Variants in MUC3A observed in about 807,000 individuals in gnomAD.
MUC3A encodes mucin 3A, cell surface associated.
In MUC3A, 109 loss-of-function variants were observed where a neutral mutation model predicts 109.0. The ratio of observed to expected loss-of-function variants is 1.00; its 90% CI spans 0.86 to 1.17. The LOEUF (loss-of-function observed/expected upper bound fraction) is 1.17. Ranked by LOEUF, MUC3A falls within the 50% of genes most tolerant of loss-of-function variation. The pLI is 0.00. For synonymous variants in MUC3A, 1,398 were observed against 981.4 expected, an observed-to-expected ratio of 1.42 and a Z score of -7.93; for missense variants, 3,537 against 2,469.4, an observed-to-expected ratio of 1.43 and a Z score of -9.16.
rs769638209 is a variant in MUC3A at position 100,960,478 on chromosome 7, C to T, written c.8699C>T (p.Pro2900Leu). The part of the protein sequence containing the change: ...PLTMKPSSSL[P>L]TILRTSSKST... ...ACCATGAAACCAAGCAGTAGCCTCC[C>T]GACCATCCTGAGGACTTCAAGCAAG... is the stretch of plus-strand genomic sequence containing the variant. The change falls in exon 2 of 12, where the codon CCG (proline) becomes CTG (leucine). Residue 2900 changes from proline to leucine, a missense_variant. By Grantham distance (98) the Pro-to-Leu change is moderately conservative (BLOSUM62 -3). Transcript: ENST00000379458. The T allele has an allele frequency of 2.9e-5, 46 of 1,598,646 alleles. No homozygotes were observed. The highest frequency in any genetic ancestry group is 1.9e-4 in the African/African-American group (14 of 75,078).
rs1339632130 is a variant in MUC3A at position 100,959,665 on chromosome 7, T to C, written c.7886T>C (p.Val2629Ala). 6.3e-7 allele frequency: 1 copy of C among 1,598,514 alleles called. No homozygotes were observed. The highest frequency in any genetic ancestry group is 8.5e-7 in the Non-Finnish European group (1 of 1,179,782). ...AGCACGATCGTGTCAACATCACAGG[T>C]TCCTATTCCTAGCACACATTCCTCC... ...ALSTIVSTSQVPIPSTHSSTL... is the reference protein window; with the variant it reads ...ALSTIVSTSQAPIPSTHSSTL... Residue 2629 changes from valine to alanine, a missense_variant, in exon 2 of 12, where the codon GTT becomes GCT. Coordinates refer to ENST00000379458, the MANE Select transcript of MUC3A (RefSeq NM_005960.2).
rs1250056348 is a variant in MUC3A, at chr7:100,951,935, C to G, written c.156C>G (p.Asp52Glu). 1 of 1,598,622 alleles carries G rather than the reference C, an allele frequency of 6.3e-7. No homozygotes were observed. Residue 52 changes from aspartate (D) to glutamate (E), a missense_variant, in exon 2 of 12, where the codon GAC becomes GAG. Physicochemically the swap from Asp to Glu is conservative, Grantham distance 45. Coordinates refer to ENST00000379458, the MANE Select transcript of MUC3A (RefSeq NM_005960.2). Reference protein sequence around the residue: ...AVLSNSPHSRDLAGWPLGVPQ... With the variant: ...AVLSNSPHSRELAGWPLGVPQ... ...TCAGCAATTCTCCACACTCCAGAGA[C>G]CTGGCTGGGTGGCCACTTGGTGTCC...
rs1169611165 is a variant in MUC3A at position 100,957,875 on chromosome 7, C to T, written c.6096C>T (p.Thr2032=). 1.2e-5 allele frequency: 5 copies of T among 408,202 alleles called. No individual in the cohort carries two copies. Among genetic ancestry groups the T allele is most frequent in the Admixed American group, 5.8e-5 (1 of 17,102 alleles). 25.3% of individuals were successfully genotyped at this position (408,202 alleles called of 1,614,324 possible). A position where few individuals can be genotyped will look rare whatever the true frequency, so the allele number is the denominator to read the frequency against. ...NTPSLTSSIT[T]TETTSHSTPS... ...CCAGCTTGACTTCTTCGATCACAAC[C>T]ACCGAGACCACATCCCATAGTACTC... Residue 2032 remains threonine (T), a synonymous_variant, in exon 2 of 12, where the codon ACC becomes ACT. Transcript: ENST00000379458.
At chr7:100,951,745 G>A (rs1791948986) in intron 1 of MUC3A, 96 bp from the exon 2 acceptor site, 1 of 1,531,112 alleles carries the variant, frequency 6.5e-7, no homozygotes, top group Non-Finnish European at 8.8e-7. Context: ...CTGTGATGCT[G>A]CCTGGAAAAT....
chr7:100,966,406 A>C lies in MUC3A; in HGVS notation c.9632A>C (p.His3211Pro). ...PTCRCYSTDTHWFSGPRCEVA... is the reference protein window; with the variant it reads ...PTCRCYSTDTPWFSGPRCEVA... Reference sequence around the variant, plus strand: ...CGCAGCTGCTACTCCACCGACACGCACTGGTTCTCTGGCCCGCGCTGCGAG... The same window carrying C: ...CGCAGCTGCTACTCCACCGACACGCCCTGGTTCTCTGGCCCGCGCTGCGAG... Residue 3211 changes from histidine to proline, a missense_variant, in exon 9 of 12, where the codon CAC (histidine) becomes CCC (proline). His to Pro is a moderately conservative substitution (Grantham distance 77). Transcript: ENST00000379458. 7.4e-7 allele frequency: 1 copy of C among 1,349,634 alleles called. No homozygotes were observed. The highest frequency in any genetic ancestry group is 3.0e-5 in the Admixed American group (1 of 33,162). The allele number at this position is 1,349,634 out of a possible 1,614,324, so 83.6% of individuals were successfully genotyped here. A position where few individuals can be genotyped will look rare whatever the true frequency, so the allele number is the denominator to read the frequency against.
chr7:100,963,344 G>A (rs1792406144), intron 4 of MUC3A, 78 bp downstream of exon 4: 1 of 1,180,586 alleles, frequency 8.5e-7, no homozygotes, highest in Admixed American at 2.3e-5. Flanking sequence ...GGAGTGCAAT[G>A]GTGCGATCTT....
In MUC3A at chr7:100,956,268, C is replaced by T; in HGVS notation, c.4489C>T (p.Pro1497Ser). The change falls in exon 2 of 12, where the codon CCC becomes TCC. Residue 1497 changes from proline to serine, a missense_variant. Coordinates refer to ENST00000379458, the MANE Select transcript of MUC3A (RefSeq NM_005960.2). Reference sequence around the variant, plus strand: ...ATCATCTACTGCCACCTCTCTTCCACCCACCTCTTCCTTGGTCTCAACCGC... The same window carrying T: ...ATCATCTACTGCCACCTCTCTTCCATCCACCTCTTCCTTGGTCTCAACCGC... ...ETSSTATSLP[P>S]TSSLVSTAET... 1 of 546,254 alleles carries T rather than the reference C, an allele frequency of 1.8e-6. No homozygotes were observed. The highest frequency in any genetic ancestry group is 3.0e-5 in the South Asian group (1 of 33,426). The allele number at this position is 546,254 out of a possible 1,614,324, so 33.8% of individuals were successfully genotyped here. A position where few individuals can be genotyped will look rare whatever the true frequency, so the allele number is the denominator to read the frequency against.
Position 100,959,040 on chromosome 7 carries a change from C to T in MUC3A, c.7261C>T (p.His2421Tyr), listed in dbSNP as rs776682714. The change falls in exon 2 of 12, where the codon CAC (histidine) becomes TAC (tyrosine). Residue 2421 changes from histidine to tyrosine, a missense_variant. Physicochemically the swap from His to Tyr is moderately conservative, Grantham distance 83. Coordinates refer to ENST00000379458, the MANE Select transcript of MUC3A (RefSeq NM_005960.2). ...SSITTTETTS[H>Y]STPGFTSSIT... is the part of the protein sequence containing the mutation. ...AATCACCACCACTGAGACTACCTCA[C>T]ACAGTACTCCTGGCTTCACTTCTTC... is the stretch of plus-strand genomic sequence containing the variant. 148 of 1,547,528 alleles carry T rather than the reference C, an allele frequency of 9.6e-5. No homozygotes were observed. Among genetic ancestry groups the T allele is most frequent in the Non-Finnish European group, 9.1e-5 (105 of 1,152,636 alleles).
chr7:100,963,674 C>T lies in MUC3A; in HGVS notation c.9169-14C>T. On this transcript the variant is annotated splice_polypyrimidine_tract_variant and intron_variant, in intron 4 of 11. Transcript: ENST00000379458. Reference sequence around the variant, plus strand: ...CAGGTTCGGACGTGAGCCCAGGGATCCTTGGTGTTTCAGATGCAGAAGATT... The same window carrying T: ...CAGGTTCGGACGTGAGCCCAGGGATTCTTGGTGTTTCAGATGCAGAAGATT... The T allele has an allele frequency of 3.8e-6, 6 of 1,598,430 alleles. No individual in the cohort carries two copies. The highest frequency in any genetic ancestry group is 5.1e-6 in the Non-Finnish European group (6 of 1,179,740).
rs1792545612 is a variant in MUC3A at position 100,966,243 on chromosome 7, A to AGACCAGTCCGCTTG, written c.9612-143_9612-142insGACCAGTCCGCTTG. The AGACCAGTCCGCTTG allele has an allele frequency of 4.0e-3, 3,378 of 854,864 alleles. No homozygotes were observed. In the African/African-American group the frequency reaches 0.042, roughly 11 times the overall value. The allele number at this position is 854,864 out of a possible 1,614,324, so 53.0% of individuals were successfully genotyped here. ...GCCCCGGCCCCTCGTTCTAGGGTGG[A>AGACCAGTCCGCTTG]TTCCCAGCCCCTTGTCTAGGGTGGA... is the stretch of plus-strand genomic sequence containing the variant. On this transcript the variant is annotated intron_variant, in intron 8 of 11. Coordinates refer to ENST00000379458, the MANE Select transcript of MUC3A (RefSeq NM_005960.2).
rs780364202 is a variant in MUC3A, at chr7:100,958,725, A to C, written c.6946A>C (p.Thr2316Pro). The C allele has an allele frequency of 1.3e-6, 2 of 1,487,798 alleles. No individual in the cohort carries two copies. The highest frequency in any genetic ancestry group is 1.8e-6 in the Non-Finnish European group (2 of 1,105,718). 92.2% of individuals were successfully genotyped at this position (1,487,798 alleles called of 1,614,324 possible). A position where few individuals can be genotyped will look rare whatever the true frequency, so the allele number is the denominator to read the frequency against. The change falls in exon 2 of 12, where the codon ACC (threonine) becomes CCC (proline). Residue 2316 changes from threonine (T) to proline (P), a missense_variant. By Grantham distance (38) the Thr-to-Pro change is conservative. Coordinates refer to ENST00000379458, the MANE Select transcript of MUC3A (RefSeq NM_005960.2). Reference protein sequence around the residue: ...SFTSSITTTETTSHSAHSFTS... With the variant: ...SFTSSITTTEPTSHSAHSFTS... Reference sequence around the variant, plus strand: ...CACTTCTTCGATCACCACCACGGAGACCACCTCACACAGTGCTCACAGCTT... The same window carrying C: ...CACTTCTTCGATCACCACCACGGAGCCCACCTCACACAGTGCTCACAGCTT...
At position 100,949,667 on chromosome 7, in the gene MUC3A, G is replaced by C; in HGVS notation, c.43G>C (p.Ala15Pro). 7.9e-7 allele frequency: 1 copy of C among 1,273,628 alleles called. No individual in the cohort carries two copies. Among genetic ancestry groups the C allele is most frequent in the Non-Finnish European group, 9.9e-7 (1 of 1,005,324 alleles). The allele number at this position is 1,273,628 out of a possible 1,614,324, so 78.9% of individuals were successfully genotyped here. Residue 15 changes from alanine (A) to proline (P), a missense_variant, in exon 1 of 12, where the codon GCC becomes CCC. Coordinates refer to ENST00000379458, the MANE Select transcript of MUC3A (RefSeq NM_005960.2). ...GLLGLLWMLK[A>P]SPWATGTLST... is the part of the protein sequence containing the mutation. Reference sequence around the variant, plus strand: ...CCTCGGCCTCCTCTGGATGCTCAAGGCCTCCCCGTGGGCCACAGGTAAGGG... The same window carrying C: ...CCTCGGCCTCCTCTGGATGCTCAAGCCCTCCCCGTGGGCCACAGGTAAGGG...
chr7:100,953,054 A>G lies in MUC3A; in HGVS notation c.1275A>G (p.Ser425=). The change falls in exon 2 of 12, where the codon TCA becomes TCG. Residue 425 remains serine (S), a synonymous_variant. Transcript: ENST00000379458. ...CCATCTCCTCACTTCCCCCTACCTC[A>G]GGTACTATGGTGACTTCCACAACCA... ...TTAISSLPPT[S]GTMVTSTTMT... is the part of the protein sequence containing the mutation. The G allele has an allele frequency of 6.8e-7, 1 of 1,464,640 alleles. No individual in the cohort carries two copies. Among genetic ancestry groups the G allele is most frequent in the East Asian group, 2.3e-5 (1 of 44,196 alleles). 90.7% of individuals were successfully genotyped at this position (1,464,640 alleles called of 1,614,324 possible).
chr7:100,954,781 C>G lies in MUC3A; in HGVS notation c.3002C>G (p.Thr1001Arg), dbSNP rs1792057732. ...ACTGACATTTCTACAGTATCTCTCA[C>G]AACAGCCATGACTTCTCCTCCCCCC... ...PTTDISTVSL[T>R]TAMTSPPPVS... Residue 1001 changes from threonine (T) to arginine (R), a missense_variant, in exon 2 of 12, where the codon ACA becomes AGA. Coordinates refer to ENST00000379458, the MANE Select transcript of MUC3A (RefSeq NM_005960.2). 1 of 395,520 alleles carries G rather than the reference C, an allele frequency of 2.5e-6. No homozygotes were observed. Among genetic ancestry groups the G allele is most frequent in the South Asian group, 1.3e-4 (1 of 7,870 alleles). The allele number at this position is 395,520 out of a possible 1,614,324, so 24.5% of individuals were successfully genotyped here.
chr7:100,958,145 C>CA lies in MUC3A; in HGVS notation c.6367dup (p.Ser2123LysfsTer13). Reference sequence around the variant, plus strand: ...TCACCACCTCTGAGATGCCCTCACACAGTACTCCCAGCTTCACTTCTTCGA... The same window carrying CA: ...TCACCACCTCTGAGATGCCCTCACACAAGTACTCCCAGCTTCACTTCTTCGA... On this transcript the variant is annotated frameshift_variant, in exon 2 of 12. Coordinates refer to ENST00000379458, the MANE Select transcript of MUC3A (RefSeq NM_005960.2). LOFTEE classifies it high-confidence loss of function. 1.1e-6 allele frequency: 1 copy of CA among 926,000 alleles called. No homozygotes were observed. Among genetic ancestry groups the CA allele is most frequent in the African/African-American group, 4.2e-5 (1 of 24,014 alleles). 57.4% of individuals were successfully genotyped at this position (926,000 alleles called of 1,614,324 possible). A position where few individuals can be genotyped will look rare whatever the true frequency, so the allele number is the denominator to read the frequency against.
At position 100,967,217 on chromosome 7, in the gene MUC3A, G is replaced by T. The variant is rs1792625933; in HGVS notation, c.*55G>T. 1 of 1,595,344 alleles carries T rather than the reference G, an allele frequency of 6.3e-7. No homozygotes were observed. The highest frequency in any genetic ancestry group is 1.3e-5 in the African/African-American group (1 of 74,888). On this transcript the variant is annotated 3_prime_UTR_variant, in exon 12 of 12. Coordinates refer to ENST00000379458, the MANE Select transcript of MUC3A (RefSeq NM_005960.2). ...CGCCCTGCCCCGGACACAAGGGTCT[G>T]CATTGCGTCCATTTCAAGAGGTGGC...
In MUC3A at chr7:100,960,400, G is replaced by C. The variant is rs1197640160; in HGVS notation, c.8621G>C (p.Ser2874Thr). ...TRLPTSETWLSNSSVIPLPLP... is the reference protein window; with the variant it reads ...TRLPTSETWLTNSSVIPLPLP... ...CTGCCCACCAGTGAGACCTGGCTGA[G>C]CAACAGTTCTGTGATCCCCCTACCT... The change falls in exon 2 of 12, where the codon AGC becomes ACC. Residue 2874 changes from serine (S) to threonine (T), a missense_variant. Physicochemically the swap from Ser to Thr is moderately conservative, Grantham distance 58. Transcript: ENST00000379458. The C allele has an allele frequency of 6.3e-7, 1 of 1,598,546 alleles. No homozygotes were observed. The highest frequency in any genetic ancestry group is 1.7e-5 in the Admixed American group (1 of 60,034).
At position 100,966,735 on chromosome 7, in the gene MUC3A, A is replaced by G. The variant is rs753332497; in HGVS notation, c.9869A>G (p.Asp3290Gly). 1.3e-6 allele frequency: 2 copies of G among 1,598,434 alleles called. No individual in the cohort carries two copies. Among genetic ancestry groups the G allele is most frequent in the Non-Finnish European group, 1.7e-6 (2 of 1,179,838 alleles). Residue 3290 changes from aspartate (D) to glycine (G), a missense_variant, in exon 10 of 12, where the codon GAC becomes GGC. Coordinates refer to ENST00000379458, the MANE Select transcript of MUC3A (RefSeq NM_005960.2). ...GTFSNWGFED[D>G]GTDKDTNFYV... ...TTTTCAAACTGGGGTTTCGAGGACG[A>G]CGGAACAGGTGAGTCCTGCCTCCTG...
intron 2 of MUC3A, 49 bp from the exon 3 acceptor site, chr7:100,960,703 C>T: frequency 6.3e-7 from 1 of 1,593,040 alleles, no homozygotes; most frequent in Non-Finnish European, 8.5e-7. Flanking sequence ...TCCTGTGTCA[C>T]TGAGGTCAGG....
Sources: gnomAD v4.1 joint callset for allele counts on GRCh38, gnomAD v4.1.1 for gene constraint, MANE v1.5 for transcripts, NCBI Gene and HGNC (gene_info 2026-07-23, HGNC 2026-07-21) for gene names.